Variants in BUB1 observed in about 807,000 individuals in gnomAD.
The protein encoded by BUB1 is mitotic checkpoint serine/threonine-protein kinase BUB1.
A neutral mutation model predicts 135.2 loss-of-function variants in BUB1; 84 were observed. The ratio of observed to expected loss-of-function variants is 0.62; its 90% CI spans 0.52 to 0.74. The LOEUF (loss-of-function observed/expected upper bound fraction) is 0.74, where lower values mean the gene tolerates loss of function less well. Ranked by LOEUF, BUB1 falls within the 30% of genes least tolerant of loss-of-function variation. The probability of loss-of-function intolerance (pLI) is 0.00; values close to 1 mark genes in which losing one functional copy is unlikely to be tolerated. For missense variants in BUB1, 1,162 were observed against 1,288.3 expected, an observed-to-expected ratio of 0.90 and a Z score of 1.50; for synonymous variants, 403 against 434.4, an observed-to-expected ratio of 0.93 and a Z score of 0.90.
At chr2:110,669,590 A>G in intron 5 of BUB1, 37 bp from the exon 6 acceptor site, 1 of 1,351,970 alleles carries the variant, frequency 7.4e-7, no homozygotes, top group Non-Finnish European at 1.1e-6. Context: ...GGAGAAATTA[A>G]GGGTAAAACC....
At chr2:110,671,619 C>T (rs1244411014) in intron 4 of BUB1, among the ~76,000 whole-genome samples, 1 of 152,070 alleles carries the variant, frequency 6.6e-6, no homozygotes, top group African/African-American at 2.4e-5. Flanking sequence ...TGGTTACATG[C>T]ACCACAAGTG....
At position 110,667,623 on chromosome 2, in the gene BUB1, C is replaced by A; in HGVS notation, c.703G>T (p.Val235Phe). 6.2e-7 allele frequency: 1 copy of A among 1,614,044 alleles called. No individual in the cohort carries two copies. Among genetic ancestry groups the A allele is most frequent in the Non-Finnish European group, 8.5e-7 (1 of 1,179,990 alleles). Residue 235 changes from valine (V) to phenylalanine (F), a missense_variant, in exon 8 of 25, where the codon GTT (valine) becomes TTT (phenylalanine). Coordinates refer to ENST00000302759, the MANE Select transcript of BUB1 (RefSeq NM_004336.5). ...LASKVDVEQV[V>F]MYCKEKLIRG... ...ATAAGCTTCTCCTTGCAATACATAA[C>A]AACCTGCTCAACATCAACTTTGGAT...
At chr2:110,674,048 T>G (rs1038199572) in intron 3 of BUB1, 38 bp downstream of exon 3, 38 of 1,428,876 alleles carry the variant, frequency 2.7e-5, no homozygotes, top group Middle Eastern at 2.0e-4. Context: ...AAGTACAACA[T>G]GATTATAGAT....
intron 17 of BUB1, among the ~76,000 whole-genome samples, 200 bp from the exon 18 acceptor site, chr2:110,650,984 T>C (rs1689770259): frequency 6.6e-6 from 1 of 152,010 alleles, no homozygotes; most frequent in African/African-American, 2.4e-5. Flanking sequence ...AATAATAAAA[T>C]CAAGATATGG....
At chr2:110,656,064 G>C in intron 15 of BUB1, 148 bp from the exon 16 acceptor site, 1 of 635,454 alleles carries the variant, frequency 1.6e-6, no homozygotes, top group Middle Eastern at 4.5e-4. Flanking sequence ...ACAATATCAT[G>C]GTTCAGTTCT....
intron 1 of BUB1, 24 bp from the exon 2 acceptor site, chr2:110,674,389 A>G (rs369623557): frequency 4.4e-6 from 7 of 1,608,980 alleles, no homozygotes; most frequent in South Asian, 1.1e-5. Context: ...AGGTATGCAC[A>G]TGGGATATTA....
intron 1 of BUB1, chr2:110,676,478 G>C (rs529933146): frequency 3.3e-5 from 5 of 152,134 alleles, no homozygotes; most frequent in Admixed American, 3.3e-4. Context: ...CCAACAAACC[G>C]CTTCTGCAGA....
rs755657196 is a variant in BUB1 at position 110,637,713 on chromosome 2, G to C, written c.*251C>G. 5.2e-5 allele frequency: 16 copies of C among 307,890 alleles called. No individual in the cohort carries two copies. The highest frequency in any genetic ancestry group is 2.6e-4 in the East Asian group (5 of 19,114). The allele number at this position is 307,890 out of a possible 1,614,324, so 19.1% of individuals were successfully genotyped here. A position where few individuals can be genotyped will look rare whatever the true frequency, so the allele number is the denominator to read the frequency against. ...CAGTGTTTAAAAAGTGATTTCTAGA[G>C]AATGCTCATGTCTGAATTATTCTCA... On this transcript the variant is annotated 3_prime_UTR_variant, in exon 25 of 25. Transcript: ENST00000302759.
chr2:110,644,117 T>C (rs1689580975), intron 19 of BUB1, among the ~76,000 whole-genome samples: 1 of 134,678 alleles, frequency 7.4e-6, no homozygotes, highest in Non-Finnish European at 1.6e-5. Context: ...ATTTAAGGAA[T>C]GTGGGACAAC....
At chr2:110,655,667 T>G in intron 16 of BUB1, 72 bp downstream of exon 16, 1 of 1,344,834 alleles carries the variant, frequency 7.4e-7, no homozygotes, top group Non-Finnish European at 1.0e-6. Context: ...ACTACAAGAA[T>G]CAAACTTCAT....
rs182139512 is a variant in BUB1 at position 110,668,007 on chromosome 2, G to A, written c.568-158C>T. Among the ~76,000 whole-genome samples the A allele has an allele frequency of 2.8e-4, 43 of 152,232 alleles. No individual in the cohort carries two copies. The East Asian group carries it at 7.8e-3, about 27-fold the overall frequency. ...AAATTATGATTAATATCAAAAGATT[G>A]TTTGTATCAACAACCTTACAATAAC... On this transcript the variant is annotated intron_variant, in intron 6 of 24. Transcript: ENST00000302759.
At chr2:110,663,312 T>A (rs1291079586) in intron 9 of BUB1, among the ~76,000 whole-genome samples, 1 of 152,132 alleles carries the variant, frequency 6.6e-6, no homozygotes, top group Non-Finnish European at 1.5e-5. Flanking sequence ...AATACACCTA[T>A]GAAATGATCA....
chr2:110,657,955 T>C (rs1689977030), intron 13 of BUB1, among the ~76,000 whole-genome samples: 1 of 152,210 alleles, frequency 6.6e-6, no homozygotes, highest in Non-Finnish European at 1.5e-5. Flanking sequence ...GTTTTCCATT[T>C]CCTTCAAGAA....
In BUB1 at chr2:110,658,624, T is replaced by C. The variant is rs1559169958; in HGVS notation, c.1395A>G (p.Lys465=). ...KVQPSPTVHT[K]EALGFIMNMF... ...GATAAAATACTTTACCTAATGCTTC[T>C]TTTGTGTGCACGGTGGGTGATGGCT... is the stretch of plus-strand genomic sequence containing the variant. The change falls in exon 12 of 25, where the codon AAA becomes AAG. Residue 465 remains lysine (K), a synonymous_variant. Coordinates refer to ENST00000302759, the MANE Select transcript of BUB1 (RefSeq NM_004336.5). 1 of 1,614,246 alleles carries C rather than the reference T, an allele frequency of 6.2e-7. No individual in the cohort carries two copies. The highest frequency in any genetic ancestry group is 8.5e-7 in the Non-Finnish European group (1 of 1,180,040).
chr2:110,657,216 T>A, intron 14 of BUB1, 99 bp from the exon 15 acceptor site: 5 of 945,116 alleles, frequency 5.3e-6, no homozygotes, highest in Non-Finnish European at 7.9e-6. Context: ...TCCTATTTAA[T>A]GAGTTAATCT....
intron 17 of BUB1, among the ~76,000 whole-genome samples, chr2:110,651,644 G>A (rs1336589644): frequency 6.6e-6 from 1 of 151,916 alleles, no homozygotes; most frequent in Non-Finnish European, 1.5e-5. Context: ...AATGTCCTAG[G>A]CCCTCACGTT....
intron 4 of BUB1, among the ~76,000 whole-genome samples, chr2:110,671,526 G>A (rs1264680501): frequency 6.6e-6 from 1 of 152,156 alleles, no homozygotes; most frequent in East Asian, 1.9e-4. Context: ...AGGCTGGCAA[G>A]GGGTGCAGTA....
intron 15 of BUB1, among the ~76,000 whole-genome samples, chr2:110,656,766 A>C (rs1689946499): frequency 2.0e-5 from 3 of 152,236 alleles, no homozygotes; most frequent in Non-Finnish European, 4.4e-5. Context: ...TGGAGGAAAA[A>C]AATTCAAAGA....
rs892197275 is a variant in BUB1 at position 110,677,985 on chromosome 2, G to A, written c.11C>T (p.Pro4Leu). Residue 4 changes from proline (P) to leucine (L), a missense_variant, in exon 1 of 25, where the codon CCG (proline) becomes CTG (leucine). Coordinates refer to ENST00000302759, the MANE Select transcript of BUB1 (RefSeq NM_004336.5). Reference sequence around the variant, plus strand: ...GGACACTTACTGAAGGACATTTTCCGGGGTGTCCATGGCCAGAGGACGCTG... The same window carrying A: ...GGACACTTACTGAAGGACATTTTCCAGGGTGTCCATGGCCAGAGGACGCTG... MDT[P>L]ENVLQMLEAH... 9 of 1,608,868 alleles carry A rather than the reference G, an allele frequency of 5.6e-6. No individual in the cohort carries two copies. The African/African-American group carries it at 6.7e-5, about 12-fold the overall frequency.
Sources: gnomAD v4.1 joint callset for allele counts (sites outside exome capture counted in the v4.1 genomes callset) on GRCh38, gnomAD v4.1.1 for gene constraint, MANE v1.5 for transcripts, NCBI Gene and HGNC (gene_info 2026-07-23, HGNC 2026-07-21) for gene names.